The following PRKCB variants were observed in gnomAD, a reference collection of about 807,000 sequenced individuals.
PRKCB encodes protein kinase C beta type.
PRKCB carries 13 observed loss-of-function variants against 81.5 expected under a neutral mutation model. The observed-to-expected ratio is 0.16, with a 90% CI of 0.10 to 0.25. PRKCB has a LOEUF of 0.25. PRKCB is among the 10% of genes least tolerant of loss of function. PRKCB has a pLI of 1.00. For synonymous variants in PRKCB, 335 were observed against 321.4 expected, an observed-to-expected ratio of 1.04 and a Z score of -0.45; for missense variants, 509 against 875.7, an observed-to-expected ratio of 0.58 and a Z score of 5.29.
chr16:23,938,739 T>C (rs1448639665), intron 2 of PRKCB, among the ~76,000 whole-genome samples: 2 of 152,212 alleles, frequency 1.3e-5, no homozygotes, highest in East Asian at 3.8e-4. Flanking sequence ...TTAATCACAA[T>C]GAAGTAAAAC....
chr16:23,856,740 G>T (rs568108828), intron 2 of PRKCB, among the ~76,000 whole-genome samples: 1 of 152,078 alleles, frequency 6.6e-6, no homozygotes, highest in Non-Finnish European at 1.5e-5. Context: ...GCTCGGGCTG[G>T]TCTCAAACTC....
intron 2 of PRKCB, among the ~76,000 whole-genome samples, chr16:23,970,836 G>T (rs963376478): frequency 2.0e-5 from 3 of 152,206 alleles, no homozygotes; most frequent in Non-Finnish European, 2.9e-5. Context: ...GGTGACTGAG[G>T]TGCAGAGTGG....
At chr16:23,982,075 TTCCCTTTCCCTTCCCTTTCCTTTTCCC>T in intron 2 of PRKCB, among the ~76,000 whole-genome samples, 1 of 113,002 alleles carries the variant, frequency 8.8e-6, no homozygotes. Context: ...TCTCTTTCCC[TTCCCTTTCCCTTCCCTTTCCTTTTCCC>T]TTCCCTTCCC....
chr16:24,217,415 T>C lies in PRKCB; in HGVS notation c.*2599T>C. 4 of 985,422 alleles carry C rather than the reference T, an allele frequency of 4.1e-6. No individual in the cohort carries two copies. The highest frequency in any genetic ancestry group is 5.2e-4 in the Middle Eastern group (1 of 1,914). The allele number at this position is 985,422 out of a possible 1,614,324, so 61.0% of individuals were successfully genotyped here. A position where few individuals can be genotyped will look rare whatever the true frequency, so the allele number is the denominator to read the frequency against. Reference sequence around the variant, plus strand: ...CAGGGCCATAGCAACAAGGACCTTCTTGGGGGATTAATGGGAGGTCAGTAG... The same window carrying C: ...CAGGGCCATAGCAACAAGGACCTTCCTGGGGGATTAATGGGAGGTCAGTAG... On this transcript the variant is annotated 3_prime_UTR_variant, in exon 17 of 17. Coordinates refer to ENST00000643927, the MANE Select transcript of PRKCB (RefSeq NM_002738.7).
chr16:23,836,119 C>A lies in PRKCB; in HGVS notation c.-57C>A, dbSNP rs1427466349. The A allele has an allele frequency of 3.2e-5, 37 of 1,167,874 alleles. No homozygotes were observed. Among genetic ancestry groups the A allele is most frequent in the Non-Finnish European group, 3.9e-5 (37 of 939,362 alleles). The allele number at this position is 1,167,874 out of a possible 1,614,324, so 72.3% of individuals were successfully genotyped here. On this transcript the variant is annotated 5_prime_UTR_variant, in exon 1 of 17. Transcript: ENST00000643927. ...TCCCGCGCCTCCCCGGCCCGCAGCC[C>A]GCGGTCCCGCGGCCCCGGGGCCGGC...
At chr16:24,172,449 A>C (rs1411513191) in intron 11 of PRKCB, 88 bp downstream of exon 11, 1 of 1,046,612 alleles carries the variant, frequency 9.6e-7, no homozygotes, top group African/African-American at 1.6e-5. Flanking sequence ...CCAAAGAGGG[A>C]TCTTTAAACA....
chr16:24,009,216 G>A (rs1664748905), intron 3 of PRKCB, among the ~76,000 whole-genome samples: 1 of 152,150 alleles, frequency 6.6e-6, no homozygotes, highest in African/African-American at 2.4e-5. Flanking sequence ...AATACCCAGA[G>A]GTGAGGGTGC....
At chr16:24,043,838 T>G (rs1965733326) in intron 5 of PRKCB, among the ~76,000 whole-genome samples, 1 of 152,202 alleles carries the variant, frequency 6.6e-6, no homozygotes, top group African/African-American at 2.4e-5. Flanking sequence ...TGACTGCCTT[T>G]GGGGACAGTG....
intron 8 of PRKCB, among the ~76,000 whole-genome samples, chr16:24,120,662 T>C (rs1370244013): frequency 6.6e-6 from 1 of 152,200 alleles, no homozygotes; most frequent in Non-Finnish European, 1.5e-5. Context: ...CCCAATCTGC[T>C]ACCCATCTGG....
rs140709959 is a variant in PRKCB at position 24,147,924 on chromosome 16, C to T, written c.1066-6760C>T. Among the ~76,000 whole-genome samples the T allele has an allele frequency of 6.0e-4, 92 of 152,300 alleles. No individual in the cohort carries two copies. In the Middle Eastern group the frequency reaches 0.014, roughly 23 times the overall value. On this transcript the variant is annotated intron_variant, in intron 9 of 16. Coordinates refer to ENST00000643927, the MANE Select transcript of PRKCB (RefSeq NM_002738.7). ...TGTTATAAAGTCCAAACTGTCCCAA[C>T]GTTGCCCTTTTTTTCCTTGGCACAA...
chr16:24,192,886 T>C (rs904408102), intron 16 of PRKCB, among the ~76,000 whole-genome samples: 1 of 152,098 alleles, frequency 6.6e-6, no homozygotes, highest in African/African-American at 2.4e-5. Flanking sequence ...ATCACTGCTG[T>C]GGAGTTTGGC....
chr16:24,035,327 C>T lies in PRKCB; in HGVS notation c.401-92C>T, dbSNP rs1035866232. 41 of 1,492,406 alleles carry T rather than the reference C, an allele frequency of 2.7e-5. No individual in the cohort carries two copies. In the East Asian group the frequency reaches 9.5e-4, roughly 34 times the overall value. 92.4% of individuals were successfully genotyped at this position (1,492,406 alleles called of 1,614,324 possible). On this transcript the variant is annotated intron_variant, in intron 4 of 16. Transcript: ENST00000643927. ...TCTCAGCTGTCTCAAAGGAGGGAAA[C>T]AGGAAGGGCTCAGCGGTCTTGGGTG...
At chr16:24,146,444 T>C (rs1300095102) in intron 9 of PRKCB, among the ~76,000 whole-genome samples, 1 of 152,192 alleles carries the variant, frequency 6.6e-6, no homozygotes, top group Non-Finnish European at 1.5e-5. Context: ...ATCTCCATTT[T>C]ATAAGATGAG....
At chr16:24,023,517 C>T (rs916029917) in intron 3 of PRKCB, among the ~76,000 whole-genome samples, 29 of 152,190 alleles carry the variant, frequency 1.9e-4, no homozygotes, top group Admixed American at 7.8e-4. Context: ...TACAGGCGCC[C>T]GCCACCACGC....
At position 24,219,530 on chromosome 16, in the gene PRKCB, GC is replaced by G. The variant is rs2141998739; in HGVS notation, c.*4716del. The G allele has an allele frequency of 1.0e-6, 1 of 988,406 alleles. No individual in the cohort carries two copies. Among genetic ancestry groups the G allele is most frequent in the Non-Finnish European group, 1.2e-6 (1 of 832,040 alleles). The allele number at this position is 988,406 out of a possible 1,614,324, so 61.2% of individuals were successfully genotyped here. Reference sequence around the variant, plus strand: ...CCTTTTCAGAGAAAGAGGTCTTCTAGCCACCTGGGCTGCTACTGAATGGTTT... The same window carrying G: ...CCTTTTCAGAGAAAGAGGTCTTCTAGCACCTGGGCTGCTACTGAATGGTTT... On this transcript the variant is annotated 3_prime_UTR_variant, in exon 17 of 17. Transcript: ENST00000643927.
At position 23,939,854 on chromosome 16, in the gene PRKCB, G is replaced by A. The variant is rs574049380; in HGVS notation, c.206-48654G>A. Among the ~76,000 whole-genome samples the A allele has an allele frequency of 2.9e-4, 44 of 152,282 alleles. 1 individual carries two copies. The highest frequency in any genetic ancestry group is 5.3e-4 in the Non-Finnish European group (36 of 68,026). On this transcript the variant is annotated intron_variant, in intron 2 of 16. Transcript: ENST00000643927. ...CATAAAAGGAAAAATTGAATAGTCGGACTTCATCGAAACTAAACGCTATTG... is the reference window on the plus strand; with the variant it reads ...CATAAAAGGAAAAATTGAATAGTCGAACTTCATCGAAACTAAACGCTATTG...
intron 15 of PRKCB, among the ~76,000 whole-genome samples, chr16:24,189,658 A>AG (rs1967759735): frequency 6.6e-6 from 1 of 151,888 alleles, no homozygotes; most frequent in Non-Finnish European, 1.5e-5. Context: ...AAAAAAAAAA[A>AG]AAAAGAAGTA....
At chr16:24,042,582 T>C (rs1965714345) in intron 5 of PRKCB, among the ~76,000 whole-genome samples, 1 of 152,160 alleles carries the variant, frequency 6.6e-6, no homozygotes, top group Non-Finnish European at 1.5e-5. Context: ...CATCAATCTG[T>C]CTTATTTTTG....
At chr16:24,093,054 C>G (rs1966396136) in intron 6 of PRKCB, 107 bp downstream of exon 6, 1 of 1,193,062 alleles carries the variant, frequency 8.4e-7, no homozygotes, top group Admixed American at 2.5e-5. Context: ...TCCTTCCCTA[C>G]CTCCCTCCTT....
Sources: allele counts gnomAD v4.1 joint callset (sites outside exome capture counted in the v4.1 genomes callset), GRCh38; gene constraint gnomAD v4.1.1; transcripts MANE v1.5; gene names NCBI Gene and HGNC (gene_info 2026-07-23, HGNC 2026-07-21).